ITGB3BP: variants seen among roughly 807,000 people sequenced by gnomAD.
ITGB3BP encodes the protein centromere protein R.
ITGB3BP carries 27 observed loss-of-function variants against 29.1 expected under a neutral mutation model. The observed-to-expected ratio is 0.93, with a 90% CI of 0.68 to 1.28. ITGB3BP has a LOEUF of 1.28. ITGB3BP is among the 50% of genes most tolerant of loss of function. The pLI, the probability that ITGB3BP is intolerant of heterozygous loss-of-function variation, is 0.00. For synonymous variants in ITGB3BP, 61 were observed against 61.4 expected, an observed-to-expected ratio of 0.99 and a Z score of 0.03; for missense variants, 192 against 200.2, an observed-to-expected ratio of 0.96 and a Z score of 0.25.
chr1:63,511,540 A>G (rs558102795), intron 1 of ITGB3BP, among the ~76,000 whole-genome samples: 1 of 152,246 alleles, frequency 6.6e-6, no homozygotes, highest in South Asian at 2.1e-4. Context: ...CAACCCAAAT[A>G]TCCACTGACA....
At chr1:63,460,282 C>T (rs150394853) in intron 4 of ITGB3BP, among the ~76,000 whole-genome samples, 160 of 152,258 alleles carry the variant, frequency 1.1e-3, no homozygotes, top group African/African-American at 3.4e-3. Flanking sequence ...AACTGTATAA[C>T]CATTAAGCAG....
At chr1:63,483,801 A>ATGTTTT in intron 3 of ITGB3BP, among the ~76,000 whole-genome samples, 1 of 152,212 alleles carries the variant, frequency 6.6e-6, no homozygotes, top group Non-Finnish European at 1.5e-5. Flanking sequence ...ATGTTTAAAT[A>ATGTTTT]CACCAATACC....
At chr1:63,453,097 A>C (rs1050316244) in intron 7 of ITGB3BP, among the ~76,000 whole-genome samples, 8 of 152,198 alleles carry the variant, frequency 5.3e-5, no homozygotes, top group African/African-American at 1.9e-4. Context: ...TGGGCAAGTT[A>C]CTTAATATTT....
intron 2 of ITGB3BP, among the ~76,000 whole-genome samples, chr1:63,498,307 A>G (rs906941801): frequency 2.6e-5 from 4 of 152,188 alleles, no homozygotes; most frequent in African/African-American, 9.7e-5. Flanking sequence ...ATGTTGGGCC[A>G]CAAAACAGGT....
rs1646503969 is a variant in ITGB3BP, at chr1:63,523,201, T to C, written c.-68A>G. On this transcript the variant is annotated 5_prime_UTR_variant, in exon 1 of 9. Coordinates refer to ENST00000271002, the MANE Select transcript of ITGB3BP (RefSeq NM_014288.5). ...CCCAGCAACTTCCGAAAACAGAAAA[T>C]CCGCCAAAGGAAACGCCAAGGCATG... 6.2e-7 allele frequency: 1 copy of C among 1,609,174 alleles called. No homozygotes were observed. Among genetic ancestry groups the C allele is most frequent in the South Asian group, 1.1e-5 (1 of 90,910 alleles).
intron 4 of ITGB3BP, 41 bp from the exon 5 acceptor site, chr1:63,455,009 A>ATTG (rs1219359412): frequency 3.1e-6 from 3 of 970,860 alleles, no homozygotes; most frequent in Non-Finnish European, 4.9e-6. Context: ...AAGGGGAAGC[A>ATTG]TTTAAACATG....
chr1:63,480,876 A>G (rs879379550), intron 3 of ITGB3BP, among the ~76,000 whole-genome samples: 6 of 152,096 alleles, frequency 3.9e-5, no homozygotes, highest in Non-Finnish European at 8.8e-5. Context: ...GATTTTAGAG[A>G]GTTTTGGAGT....
intron 2 of ITGB3BP, among the ~76,000 whole-genome samples, chr1:63,505,852 A>G (rs1484850625): frequency 1.3e-5 from 2 of 152,026 alleles, no homozygotes; most frequent in Non-Finnish European, 2.9e-5. Context: ...CCTGAGTTCT[A>G]GTTTGATTGC....
At chr1:63,448,677 G>A (rs1644822231) in intron 7 of ITGB3BP, among the ~76,000 whole-genome samples, 1 of 151,994 alleles carries the variant, frequency 6.6e-6, no homozygotes. Flanking sequence ...CACCTGTCAG[G>A]TGACACAAAA....
At chr1:63,483,529 TTTTC>T (rs1374337418) in intron 3 of ITGB3BP, among the ~76,000 whole-genome samples, 7 of 152,232 alleles carry the variant, frequency 4.6e-5, no homozygotes, top group East Asian at 1.9e-4. Context: ...GATTTGTTGC[TTTTC>T]TTTATTATTG....
intron 2 of ITGB3BP, among the ~76,000 whole-genome samples, chr1:63,497,823 C>T (rs971060423): frequency 2.6e-5 from 4 of 152,184 alleles, no homozygotes; most frequent in African/African-American, 9.6e-5. Flanking sequence ...CTCCCTTGGA[C>T]TCTGATGACT....
upstream of ITGB3BP, among the ~76,000 whole-genome samples, chr1:63,525,213 GAGAAT>G (rs1646565795): frequency 6.6e-6 from 1 of 152,090 alleles, no homozygotes; most frequent in Admixed American, 6.5e-5. Context: ...CGTATTTTGA[GAGAAT>G]AGATGTGTGC....
rs751002081 is a variant in ITGB3BP, at chr1:63,523,212, A to C, written c.-79T>G. The C allele has an allele frequency of 2.9e-5, 47 of 1,600,554 alleles. No homozygotes were observed. The highest frequency in any genetic ancestry group is 2.8e-4 in the Admixed American group (17 of 59,874). On this transcript the variant is annotated 5_prime_UTR_variant, in exon 1 of 9. Transcript: ENST00000271002. ...CCGAAAACAGAAAATCCGCCAAAGGAAACGCCAAGGCATGAAAAGCGCGCG... is the reference window on the plus strand; with the variant it reads ...CCGAAAACAGAAAATCCGCCAAAGGCAACGCCAAGGCATGAAAAGCGCGCG...
At chr1:63,508,297 ATTAATTTGCTTC>A (rs1557652096) in intron 2 of ITGB3BP, among the ~76,000 whole-genome samples, 4 of 152,126 alleles carry the variant, frequency 2.6e-5, no homozygotes, top group African/African-American at 9.6e-5. Context: ...TTTTTAAATA[ATTAATTTGCTTC>A]TTAACTGAAC....
intron 8 of ITGB3BP, chr1:63,443,132 G>C (rs1238176381): frequency 6.6e-6 from 1 of 152,338 alleles, no homozygotes; most frequent in Non-Finnish European, 1.5e-5. Flanking sequence ...GTGTGACAGA[G>C]GGCTGGAGCA....
chr1:63,461,251 C>G (rs1263436870), intron 4 of ITGB3BP, among the ~76,000 whole-genome samples: 4 of 49,464 alleles, frequency 8.1e-5, no homozygotes, highest in Admixed American at 3.9e-4. Flanking sequence ...GAGACTCCAT[C>G]TCAAAAAAAA....
chr1:63,459,519 A>C (rs1438091857), intron 4 of ITGB3BP, among the ~76,000 whole-genome samples: 2 of 152,144 alleles, frequency 1.3e-5, no homozygotes, highest in Non-Finnish European at 2.9e-5. Context: ...ACCTAAACTG[A>C]TAATTTTGGA....
chr1:63,495,490 C>CAG (rs1346201293), intron 2 of ITGB3BP, among the ~76,000 whole-genome samples: 4 of 152,138 alleles, frequency 2.6e-5, no homozygotes, highest in African/African-American at 4.8e-5. Flanking sequence ...TGCTGCTCCC[C>CAG]AGCTATGCTA....
chr1:63,510,828 T>C (rs1441437731), intron 1 of ITGB3BP, among the ~76,000 whole-genome samples: 2 of 152,136 alleles, frequency 1.3e-5, no homozygotes, highest in Non-Finnish European at 2.9e-5. Context: ...CTATTCTTAA[T>C]ATTATATTAG....
Sources: allele counts gnomAD v4.1 joint callset (sites outside exome capture counted in the v4.1 genomes callset), GRCh38; gene constraint gnomAD v4.1.1; transcripts MANE v1.5; gene names NCBI Gene and HGNC (gene_info 2026-07-23, HGNC 2026-07-21).